TBCK: variants seen among roughly 807,000 people sequenced by gnomAD.
TBCK encodes the protein TBC domain-containing protein kinase-like protein.
Under a neutral mutation model 113.4 loss-of-function variants are expected in TBCK, and 99 were observed. The observed-to-expected ratio is 0.87, with a 90% CI of 0.74 to 1.03. The LOEUF (loss-of-function observed/expected upper bound fraction) is 1.03, where lower values mean the gene tolerates loss of function less well. Among genes scored for constraint, TBCK ranks in the 50% least tolerant of loss-of-function variants. The pLI is 0.00. For missense variants in TBCK, 1,045 were observed against 1,061.3 expected (o/e 0.98, Z 0.21); for synonymous variants, 369 against 370.8 (o/e 1.00, Z 0.05).
intron 23 of TBCK, among the ~76,000 whole-genome samples, chr4:106,144,819 T>A (rs571729141): frequency 5.3e-5 from 8 of 151,146 alleles, no homozygotes; most frequent in Non-Finnish European, 1.2e-4. Flanking sequence ...AGGTTGGGAG[T>A]TCGAGACCAG....
intron 5 of TBCK, among the ~76,000 whole-genome samples, chr4:106,254,277 G>C (rs933023583): frequency 2.5e-4 from 38 of 152,294 alleles, no homozygotes; most frequent in Admixed American, 1.2e-3. Context: ...CAGTAAACTA[G>C]CCTCAGCAGT....
chr4:106,252,421 C>G (rs1434046040), intron 5 of TBCK, among the ~76,000 whole-genome samples: 3 of 151,794 alleles, frequency 2.0e-5, no homozygotes, highest in Non-Finnish European at 1.5e-5. Context: ...AAAAAAGATA[C>G]AAATTGAAAA....
chr4:106,073,501 G>A (rs1440741831), intron 25 of TBCK, among the ~76,000 whole-genome samples: 2 of 152,134 alleles, frequency 1.3e-5, no homozygotes, highest in Non-Finnish European at 2.9e-5. Flanking sequence ...CGTATCAGAG[G>A]GGCACCTGGG....
intron 25 of TBCK, among the ~76,000 whole-genome samples, chr4:106,050,789 C>T (rs942316646): frequency 3.3e-5 from 5 of 152,110 alleles, no homozygotes; most frequent in Admixed American, 6.6e-5. Context: ...GATATGATAT[C>T]TCCTGGCACA....
chr4:106,053,607 A>C (rs1321890296), intron 25 of TBCK, among the ~76,000 whole-genome samples: 2 of 151,496 alleles, frequency 1.3e-5, no homozygotes, highest in Non-Finnish European at 3.0e-5. Context: ...ATTTAGTCCC[A>C]CAGGTTTAAG....
chr4:106,204,751 A>ATTTTTTTT (rs34775295), intron 20 of TBCK, among the ~76,000 whole-genome samples: 2,590 of 87,214 alleles, frequency 0.03, 197 homozygotes, highest in Non-Finnish European at 0.046. Context: ...ACAAACAATG[A>ATTTTTTTT]TTTTTTTTTT....
rs538674033 is a variant in TBCK at position 106,171,116 on chromosome 4, T to C, written c.2214A>G (p.Pro738=). ...SSAPYFSAEC[P]DPPKTDLSRE... ...ATACCAGATCTGTCTTTGGAGGATC[T>C]GGACACTCAGCAGAGAAATAAGGTG... The change falls in exon 23 of 26, where the codon CCA becomes CCG. Residue 738 remains proline, a synonymous_variant. Coordinates refer to ENST00000394708, the MANE Select transcript of TBCK (RefSeq NM_001163435.3). The C allele has an allele frequency of 1.1e-4, 177 of 1,610,130 alleles. 2 individuals are homozygous for C. The highest frequency in any genetic ancestry group is 9.4e-4 in the South Asian group (85 of 90,404).
intron 3 of TBCK, among the ~76,000 whole-genome samples, chr4:106,273,263 T>C (rs1011297441): frequency 3.3e-5 from 5 of 152,194 alleles, no homozygotes; most frequent in Non-Finnish European, 7.3e-5. Flanking sequence ...ATCTTAGACA[T>C]AATAAATTTT....
intron 19 of TBCK, among the ~76,000 whole-genome samples, chr4:106,220,560 C>G (rs1757559589): frequency 7.9e-3 from 1 of 126 alleles, no homozygotes; most frequent in East Asian, 0.062. Context: ...GTGCTGTATT[C>G]CATGACAAGC....
intron 17 of TBCK, among the ~76,000 whole-genome samples, chr4:106,232,330 G>C (rs1370207004): frequency 6.6e-6 from 1 of 151,748 alleles, no homozygotes; most frequent in Non-Finnish European, 1.5e-5. Flanking sequence ...GAAATACACA[G>C]AGCTAAGAAA....
At chr4:106,174,556 T>C (rs1751404429) in intron 22 of TBCK, among the ~76,000 whole-genome samples, 2 of 152,154 alleles carry the variant, frequency 1.3e-5, no homozygotes, top group South Asian at 2.1e-4. Context: ...CATGGTGATA[T>C]ACTTACGCAT....
At chr4:106,218,437 A>G (rs1465884840) in intron 19 of TBCK, among the ~76,000 whole-genome samples, 46 of 148,348 alleles carry the variant, frequency 3.1e-4, no homozygotes, top group African/African-American at 1.1e-3. Flanking sequence ...CAGGCAACCT[A>G]CAACATGGGA....
intron 25 of TBCK, 60 bp downstream of exon 25, chr4:106,095,422 A>G (rs1740785984): frequency 6.9e-7 from 1 of 1,459,358 alleles, no homozygotes. Context: ...GATAACCTTC[A>G]TATAGAAGGC....
At chr4:106,246,196 T>C (rs1021920164) in intron 10 of TBCK, among the ~76,000 whole-genome samples, 6 of 152,150 alleles carry the variant, frequency 3.9e-5, no homozygotes, top group Admixed American at 3.9e-4. Context: ...GACCTTCATT[T>C]ATAACAGTGA....
intron 3 of TBCK, among the ~76,000 whole-genome samples, chr4:106,273,172 C>T (rs1035940147): frequency 1.3e-5 from 2 of 152,232 alleles, no homozygotes; most frequent in South Asian, 4.2e-4. Context: ...ACAATTGTAA[C>T]TATAACAACA....
intron 22 of TBCK, among the ~76,000 whole-genome samples, chr4:106,193,079 T>A (rs77017125): frequency 0.13 from 19,719 of 152,200 alleles, 1,618 homozygotes; most frequent in South Asian, 0.24. Context: ...ACAAACTCCT[T>A]ACTTGTGAAT....
intron 1 of TBCK, among the ~76,000 whole-genome samples, chr4:106,309,377 A>T (rs112439126): frequency 0.18 from 22,954 of 128,762 alleles, 1,888 homozygotes; most frequent in South Asian, 0.29. Flanking sequence ...CAGTGGTGTG[A>T]TCTCCGCGCA....
intron 23 of TBCK, among the ~76,000 whole-genome samples, chr4:106,155,587 T>C (rs1227516356): frequency 1.3e-5 from 2 of 152,136 alleles, no homozygotes; most frequent in East Asian, 1.9e-4. Context: ...CTTTTCTCTT[T>C]TGTCTCCTCT....
chr4:106,096,570 C>T (rs1234747332), intron 24 of TBCK, among the ~76,000 whole-genome samples: 1 of 152,108 alleles, frequency 6.6e-6, no homozygotes, highest in Non-Finnish European at 1.5e-5. Context: ...TTTGGGCTGC[C>T]TGCCCACCTG....
Sources: allele counts gnomAD v4.1 joint callset (sites outside exome capture counted in the v4.1 genomes callset), GRCh38; gene constraint gnomAD v4.1.1; transcripts MANE v1.5; gene names NCBI Gene and HGNC (gene_info 2026-07-23, HGNC 2026-07-21).